The following NKAIN3 variants were observed in gnomAD, a reference collection of about 807,000 sequenced individuals.
NKAIN3 encodes the protein sodium/potassium-transporting ATPase subunit beta-1-interacting protein 3.
NKAIN3 carries 25 observed loss-of-function variants against 30.2 expected under a neutral mutation model. The observed-to-expected ratio is 0.83, with a 90% CI of 0.60 to 1.16. The LOEUF (loss-of-function observed/expected upper bound fraction) is 1.16, where lower values mean the gene tolerates loss of function less well. Among genes scored for constraint, NKAIN3 ranks in the 50% most tolerant of loss-of-function variants. The probability of loss-of-function intolerance (pLI) is 0.00; values close to 1 mark genes in which losing one functional copy is unlikely to be tolerated. For synonymous variants in NKAIN3, 91 were observed against 89.6 expected (o/e 1.02, Z -0.09); for missense variants, 225 against 254.1 (o/e 0.89, Z 0.78).
At chr8:62,359,953 C>T (rs1360524087) in intron 1 of NKAIN3, among the ~76,000 whole-genome samples, 1 of 152,142 alleles carries the variant, frequency 6.6e-6, no homozygotes, top group Non-Finnish European at 1.5e-5. Context: ...AGGAGAGGTC[C>T]TGGTGTTAAG....
At position 62,785,678 on chromosome 8, in the gene NKAIN3, C is replaced by T. The variant is rs150583426; in HGVS notation, c.471+38549C>T. ...CCAGGAATGCAAGATTAGCGAACAT[C>T]CAGAAATACAGTCTTTCTCTGACTT... On this transcript the variant is annotated intron_variant, in intron 4 of 6. Coordinates refer to ENST00000623646, the MANE Select transcript of NKAIN3 (RefSeq NM_001304533.3). Among the ~76,000 whole-genome samples the T allele has an allele frequency of 5.2e-3, 786 of 152,126 alleles. 6 individuals carry two copies. Among genetic ancestry groups the T allele is most frequent in the Middle Eastern group, 0.024 (7 of 292 alleles).
chr8:62,959,037 C>T (rs1238902357), intron 6 of NKAIN3, among the ~76,000 whole-genome samples: 1 of 152,176 alleles, frequency 6.6e-6, no homozygotes, highest in Non-Finnish European at 1.5e-5. Context: ...CAAAGGAAAA[C>T]TTGTTTTCTT....
intron 3 of NKAIN3, among the ~76,000 whole-genome samples, chr8:62,603,460 C>T (rs371338111): frequency 1.3e-5 from 2 of 152,136 alleles, no homozygotes; most frequent in Non-Finnish European, 2.9e-5. Flanking sequence ...CTCAATGCTA[C>T]TCCCACGTAT....
In NKAIN3 at chr8:62,735,804, G is replaced by A. The variant is rs199798033; in HGVS notation, c.274-11128G>A. On this transcript the variant is annotated intron_variant, in intron 3 of 6. Coordinates refer to ENST00000623646, the MANE Select transcript of NKAIN3 (RefSeq NM_001304533.3). ...GAAGATCTGGGGCTCAGTAGCTGCT[G>A]TTCAGATTGTTTTGTCCCATGGTGT... is the stretch of plus-strand genomic sequence containing the variant. Among the ~76,000 whole-genome samples, 17 of 152,144 alleles carry A rather than the reference G, an allele frequency of 1.1e-4. No homozygotes were observed. In the East Asian group the frequency reaches 3.3e-3, roughly 30 times the overall value.
chr8:62,696,997 GT>G (rs774444575), intron 3 of NKAIN3, among the ~76,000 whole-genome samples: 3 of 152,152 alleles, frequency 2.0e-5, no homozygotes, highest in Non-Finnish European at 4.4e-5. Context: ...AAATGACACT[GT>G]TAAATTGCTT....
intron 1 of NKAIN3, among the ~76,000 whole-genome samples, chr8:62,508,716 T>G (rs1807722261): frequency 6.6e-6 from 1 of 152,234 alleles, no homozygotes; most frequent in Non-Finnish European, 1.5e-5. Flanking sequence ...TGTGTTCATG[T>G]GAGTTTTATT....
chr8:62,295,447 C>G (rs1813794483), intron 1 of NKAIN3, among the ~76,000 whole-genome samples: 1 of 152,128 alleles, frequency 6.6e-6, no homozygotes, highest in Non-Finnish European at 1.5e-5. Flanking sequence ...ACTCTGACCT[C>G]ACATCATGGT....
chr8:62,748,398 G>A (rs1816158992), intron 4 of NKAIN3, among the ~76,000 whole-genome samples: 1 of 152,106 alleles, frequency 6.6e-6, no homozygotes, highest in African/African-American at 2.4e-5. Flanking sequence ...AATAATAAAA[G>A]GTGAAGTCAA....
At chr8:62,496,873 C>T (rs781230970) in intron 1 of NKAIN3, among the ~76,000 whole-genome samples, 11 of 152,104 alleles carry the variant, frequency 7.2e-5, no homozygotes, top group South Asian at 4.2e-4. Flanking sequence ...TTTTAATTTC[C>T]GTACGTGGCC....
chr8:62,805,423 A>C (rs1054818655), intron 4 of NKAIN3, among the ~76,000 whole-genome samples: 2 of 152,130 alleles, frequency 1.3e-5, no homozygotes, highest in African/African-American at 4.8e-5. Flanking sequence ...TACAGTAACC[A>C]AAACAGCATG....
intron 1 of NKAIN3, among the ~76,000 whole-genome samples, chr8:62,328,419 G>C (rs1815219080): frequency 6.6e-6 from 1 of 152,066 alleles, no homozygotes; most frequent in East Asian, 1.9e-4. Flanking sequence ...AATGAGAGGG[G>C]TCGTATTACA....
chr8:62,731,432 G>T (rs1339457053), intron 3 of NKAIN3, among the ~76,000 whole-genome samples: 2 of 151,900 alleles, frequency 1.3e-5, no homozygotes, highest in East Asian at 3.8e-4. Context: ...ATTACTTATT[G>T]TTTTAACCCT....
rs556920509 is a variant in NKAIN3 at position 62,803,361 on chromosome 8, G to C, written c.471+56232G>C. On this transcript the variant is annotated intron_variant, in intron 4 of 6. Coordinates refer to ENST00000623646, the MANE Select transcript of NKAIN3 (RefSeq NM_001304533.3). The stretch of plus-strand genomic sequence containing the variant: ...TATTCCAAAATTGACCACATAGTTG[G>C]AAGTAAAGCTCTCCTCAGCAAATGT... Among the ~76,000 whole-genome samples the C allele has an allele frequency of 9.2e-5, 14 of 152,108 alleles. No individual in the cohort carries two copies. In the East Asian group the frequency reaches 2.5e-3, roughly 27 times the overall value.
At chr8:62,393,957 TA>T (rs779018150) in intron 1 of NKAIN3, among the ~76,000 whole-genome samples, 4 of 152,180 alleles carry the variant, frequency 2.6e-5, no homozygotes, top group Non-Finnish European at 5.9e-5. Context: ...GAGAATGTGT[TA>T]GACTCATTAG....
At chr8:62,573,770 A>G (rs1306989980) in intron 1 of NKAIN3, among the ~76,000 whole-genome samples, 1 of 151,956 alleles carries the variant, frequency 6.6e-6, no homozygotes, top group African/African-American at 2.4e-5. Flanking sequence ...TAGTAGGTGT[A>G]TAGACTTATG....
chr8:62,441,090 C>T (rs1805310569), intron 1 of NKAIN3, among the ~76,000 whole-genome samples: 1 of 152,012 alleles, frequency 6.6e-6, no homozygotes, highest in Admixed American at 6.6e-5. Flanking sequence ...TTACCTCTTG[C>T]TTTTCATGAC....
chr8:62,446,023 T>C (rs944441180), intron 1 of NKAIN3, among the ~76,000 whole-genome samples: 2 of 152,198 alleles, frequency 1.3e-5, no homozygotes, highest in African/African-American at 2.4e-5. Flanking sequence ...TATGAAGTCA[T>C]AGCAATTGTA....
intron 5 of NKAIN3, among the ~76,000 whole-genome samples, chr8:62,926,552 A>AT (rs1822451193): frequency 6.6e-6 from 1 of 152,136 alleles, no homozygotes; most frequent in Non-Finnish European, 1.5e-5. Flanking sequence ...CTAAAAGTGA[A>AT]TTATTTGAGC....
intron 3 of NKAIN3, among the ~76,000 whole-genome samples, chr8:62,594,258 A>G (rs929535073): frequency 6.6e-6 from 1 of 152,038 alleles, no homozygotes; most frequent in Non-Finnish European, 1.5e-5. Flanking sequence ...TTCACAAATA[A>G]TTTGGTGAGC....
Sources: gnomAD v4.1 joint callset for allele counts (sites outside exome capture counted in the v4.1 genomes callset) on GRCh38, gnomAD v4.1.1 for gene constraint, MANE v1.5 for transcripts, NCBI Gene and HGNC (gene_info 2026-07-23, HGNC 2026-07-21) for gene names.